The following PACS1 variants were observed in gnomAD, a reference collection of about 807,000 sequenced individuals.
The protein encoded by PACS1 is phosphofurin acidic cluster sorting protein 1.
In PACS1, 24 loss-of-function variants were observed where a neutral mutation model predicts 115.0. The ratio of observed to expected loss-of-function variants is 0.21; its 90% CI spans 0.15 to 0.29. PACS1 has a LOEUF of 0.29. Among genes scored for constraint, PACS1 ranks in the 10% least tolerant of loss-of-function variants. PACS1 has a pLI of 1.00. For synonymous variants in PACS1, 453 were observed against 504.5 expected (o/e 0.90, Z 1.37); for missense variants, 838 against 1,251.2 (o/e 0.67, Z 4.98).
At chr11:66,173,955 G>T (rs758274275) in intron 1 of PACS1, among the ~76,000 whole-genome samples, 6 of 152,126 alleles carry the variant, frequency 3.9e-5, no homozygotes, top group Non-Finnish European at 7.3e-5. Flanking sequence ...AGGAAGCTGA[G>T]GCATGAGAAT....
At chr11:66,131,438 G>A (rs900726587) in intron 1 of PACS1, among the ~76,000 whole-genome samples, 58 of 152,244 alleles carry the variant, frequency 3.8e-4, no homozygotes, top group African/African-American at 1.4e-3. Flanking sequence ...CATTTTTCCA[G>A]TAGAGTTTCT....
At chr11:66,121,240 G>T (rs776175226) in intron 1 of PACS1, among the ~76,000 whole-genome samples, 2 of 152,088 alleles carry the variant, frequency 1.3e-5, no homozygotes, top group Non-Finnish European at 2.9e-5. Flanking sequence ...AACCGCATCC[G>T]TGCGAGACGT....
chr11:66,102,461 A>G (rs960649981), intron 1 of PACS1, among the ~76,000 whole-genome samples: 1 of 151,888 alleles, frequency 6.6e-6, no homozygotes, highest in African/African-American at 2.4e-5. Flanking sequence ...AGCAGCTGGG[A>G]CTACAGGTGC....
chr11:66,227,442 T>A, intron 10 of PACS1, 62 bp from the exon 11 acceptor site: 1 of 937,328 alleles, frequency 1.1e-6, no homozygotes, highest in Admixed American at 1.9e-5. Context: ...AGGGACCTAG[T>A]AAAACAAATT....
chr11:66,173,794 T>C (rs1859791748), intron 1 of PACS1, among the ~76,000 whole-genome samples: 1 of 152,204 alleles, frequency 6.6e-6, no homozygotes, highest in Non-Finnish European at 1.5e-5. Flanking sequence ...GGCTCACACC[T>C]GTAATCCCAG....
Position 66,235,776 on chromosome 11 carries a change from G to T in PACS1, c.2208-122G>T. 1.2e-6 allele frequency: 1 copy of T among 857,310 alleles called. No individual in the cohort carries two copies. The highest frequency in any genetic ancestry group is 2.0e-6 in the Non-Finnish European group (1 of 493,752). 53.1% of individuals were successfully genotyped at this position (857,310 alleles called of 1,614,324 possible). A position where few individuals can be genotyped will look rare whatever the true frequency, so the allele number is the denominator to read the frequency against. On this transcript the variant is annotated intron_variant, in intron 18 of 23. Transcript: ENST00000320580. The surrounding 1 kb of genome is among the most constrained non-coding windows in gnomAD (Gnocchi z 5.6). ...CCCCATGCCACCCCAGGATGTGATG[G>T]GCAGAGGCAGCCCAGCATCCTGGAC... is the stretch of plus-strand genomic sequence containing the variant.
chr11:66,102,633 T>A (rs919747693), intron 1 of PACS1, among the ~76,000 whole-genome samples: 2 of 152,036 alleles, frequency 1.3e-5, no homozygotes, highest in African/African-American at 4.8e-5. Context: ...CCAAGTTTAC[T>A]ATTATTATTA....
At chr11:66,217,019 A>G in intron 7 of PACS1, 1 of 508,544 alleles carries the variant, frequency 2.0e-6, no homozygotes, top group East Asian at 3.7e-5. Context: ...AAGGAGGAGA[A>G]CCCTTCTTGT....
intron 1 of PACS1, among the ~76,000 whole-genome samples, chr11:66,166,462 C>T (rs763705661): frequency 2.8e-5 from 4 of 142,036 alleles, no homozygotes; most frequent in Non-Finnish European, 5.9e-5. Context: ...TCACATCTTA[C>T]AGCTGTCGTC....
intron 4 of PACS1, among the ~76,000 whole-genome samples, chr11:66,212,346 A>C (rs111909624): frequency 2.1e-4 from 31 of 148,048 alleles, no homozygotes; most frequent in Middle Eastern, 3.5e-3. Flanking sequence ...GTTGGCCAGG[A>C]TGGTCTCATT....
At chr11:66,217,789 G>A (rs1855248371) in intron 7 of PACS1, 1 of 336,898 alleles carries the variant, frequency 3.0e-6, no homozygotes, top group Non-Finnish European at 5.9e-6. Flanking sequence ...CTGGAAATAG[G>A]GAGTGGCTGT....
Position 66,235,375 on chromosome 11 carries a change from G to A in PACS1, c.2179G>A (p.Glu727Lys). The part of the protein sequence containing the change: ...AATTHQLPVA[E>K]AMLTCRHKFP... ...CACGACACACCAGCTTCCCGTGGCC[G>A]AAGCCATGCTGACTTGCCGGCATAA... Residue 727 changes from glutamate (E) to lysine (K), a missense_variant, in exon 18 of 24, where the codon GAA becomes AAA. Glu to Lys is a moderately conservative substitution (Grantham distance 56). This residue lies in a region of PACS1 where 383 missense variants were observed against 537.0 expected (regional missense o/e 0.71). Transcript: ENST00000320580. The surrounding 1 kb of genome is among the most constrained non-coding windows in gnomAD (Gnocchi z 5.6). 1.2e-6 allele frequency: 2 copies of A among 1,613,844 alleles called. No homozygotes were observed. The highest frequency in any genetic ancestry group is 1.7e-6 in the Non-Finnish European group (2 of 1,179,756).
In PACS1 at chr11:66,236,073, A is replaced by G. The variant is rs1213450448; in HGVS notation, c.2250+133A>G. The G allele has an allele frequency of 2.4e-5, 20 of 839,030 alleles. No individual in the cohort carries two copies. The highest frequency in any genetic ancestry group is 3.7e-5 in the Non-Finnish European group (18 of 481,202). 52.0% of individuals were successfully genotyped at this position (839,030 alleles called of 1,614,324 possible). A position where few individuals can be genotyped will look rare whatever the true frequency, so the allele number is the denominator to read the frequency against. On this transcript the variant is annotated intron_variant, in intron 19 of 23. Transcript: ENST00000320580. This position sits in a 1 kb window ranked among gnomAD's most constrained non-coding sequence, Gnocchi z 4.2. ...ACTGGAGATTTTGCCTCCAGGGACTACCTGGCAGTGTCTGGAGACGTGTTT... is the reference window on the plus strand; with the variant it reads ...ACTGGAGATTTTGCCTCCAGGGACTGCCTGGCAGTGTCTGGAGACGTGTTT...
intron 1 of PACS1, among the ~76,000 whole-genome samples, chr11:66,159,744 T>C (rs1859445397): frequency 1.3e-5 from 2 of 152,326 alleles, no homozygotes; most frequent in South Asian, 4.1e-4. Context: ...AGTCCAGCTA[T>C]CTTTACATTT....
Position 66,166,465 on chromosome 11 carries a change from C to G in PACS1, c.357-27021C>G, listed in dbSNP as rs191530257. ...CACAGCCTGATGTCACATCTTACAG[C>G]TGTCGTCATTTGCCATGCACTAGAC... is the stretch of plus-strand genomic sequence containing the variant. On this transcript the variant is annotated intron_variant, in intron 1 of 23. Transcript: ENST00000320580. Among the ~76,000 whole-genome samples, 27 of 151,310 alleles carry G rather than the reference C, an allele frequency of 1.8e-4. 1 individual carries two copies. The highest frequency in any genetic ancestry group is 5.2e-4 in the African/African-American group (21 of 40,600).
intron 1 of PACS1, among the ~76,000 whole-genome samples, chr11:66,181,402 C>T (rs985253387): frequency 1.3e-5 from 2 of 150,962 alleles, no homozygotes; most frequent in Admixed American, 6.6e-5. Flanking sequence ...TCAGTAGAGA[C>T]GGGATTTCAC....
chr11:66,158,116 G>A (rs1047820819), intron 1 of PACS1, among the ~76,000 whole-genome samples: 4 of 152,058 alleles, frequency 2.6e-5, no homozygotes, highest in African/African-American at 4.8e-5. Context: ...ACAGATACGC[G>A]CCACCACACT....
At chr11:66,110,105 C>T (rs1858152400) in intron 1 of PACS1, among the ~76,000 whole-genome samples, 1 of 152,024 alleles carries the variant, frequency 6.6e-6, no homozygotes, top group Non-Finnish European at 1.5e-5. Context: ...TGCCTGTGCT[C>T]AGATATGTTT....
At chr11:66,237,107 C>T (rs1346950042) in intron 19 of PACS1, among the ~76,000 whole-genome samples, 4 of 152,066 alleles carry the variant, frequency 2.6e-5, no homozygotes, top group Non-Finnish European at 4.4e-5. Context: ...TTAGTAGAGA[C>T]GGGGTTTCAC....
Sources: gnomAD v4.1 joint callset for allele counts (sites outside exome capture counted in the v4.1 genomes callset) on GRCh38, gnomAD v4.1.1 for gene constraint, gnomAD v4.1.1 regional missense constraint, Gnocchi (gnomAD v3.1) non-coding constraint, MANE v1.5 for transcripts, NCBI Gene and HGNC (gene_info 2026-07-23, HGNC 2026-07-21) for gene names.